Variants in ATP6V1B2 observed in about 807,000 individuals in gnomAD.
ATP6V1B2 encodes ATPase H+ transporting V1 subunit B2.
A neutral mutation model predicts 66.7 loss-of-function variants in ATP6V1B2; 23 were observed. That is an observed-to-expected ratio of 0.34 (90% confidence interval 0.25 to 0.49). The LOEUF is 0.49. Among genes scored for constraint, ATP6V1B2 ranks in the 20% least tolerant of loss-of-function variants. ATP6V1B2 has a pLI of 0.99. For synonymous variants in ATP6V1B2, 278 were observed against 236.7 expected (o/e 1.17, Z -1.60); for missense variants, 478 against 650.8 (o/e 0.73, Z 2.89).
intron 2 of ATP6V1B2, among the ~76,000 whole-genome samples, chr8:20,209,054 A>G (rs1324984651): frequency 6.6e-6 from 1 of 152,076 alleles, no homozygotes; most frequent in Admixed American, 6.6e-5. Context: ...CATCTGGAGC[A>G]CACAGTTGAT....
At chr8:20,214,757 T>C (rs1313005637) in intron 9 of ATP6V1B2, 61 bp from the exon 10 acceptor site, 61 of 1,484,112 alleles carry the variant, frequency 4.1e-5, no homozygotes, top group Non-Finnish European at 5.2e-5. Context: ...GAAACAAACA[T>C]GTTGTAAGCA....
chr8:20,207,720 A>AT (rs2072753058), intron 2 of ATP6V1B2, among the ~76,000 whole-genome samples: 1 of 151,870 alleles, frequency 6.6e-6, no homozygotes, highest in African/African-American at 2.4e-5. Flanking sequence ...AACTTAAAGT[A>AT]TAAAAAAAAA....
At chr8:20,213,864 C>A (rs1295752587) in intron 9 of ATP6V1B2, 1 of 152,130 alleles carries the variant, frequency 6.6e-6, no homozygotes, top group Non-Finnish European at 1.5e-5. Flanking sequence ...TTTTCTCCCC[C>A]ATCCATCACA....
chr8:20,198,973 G>A (rs79169475), intron 1 of ATP6V1B2, among the ~76,000 whole-genome samples: 1 of 152,152 alleles, frequency 6.6e-6, no homozygotes, highest in Non-Finnish European at 1.5e-5. Context: ...AATTGCGTTT[G>A]TATGCATTGC....
At chr8:20,211,522 G>C in intron 6 of ATP6V1B2, 130 bp from the exon 7 acceptor site, 8 of 1,268,790 alleles carry the variant, frequency 6.3e-6, no homozygotes, top group Non-Finnish European at 8.6e-6. Flanking sequence ...AAATAGTTTT[G>C]TTGAATGAAT....
intron 10 of ATP6V1B2, chr8:20,215,898 G>A (rs1206044883): frequency 9.2e-5 from 14 of 152,352 alleles, no homozygotes; most frequent in Non-Finnish European, 1.5e-5. Flanking sequence ...GTATCCATCC[G>A]ACATAGCTTA....
chr8:20,211,045 T>C lies in ATP6V1B2; in HGVS notation c.464-132T>C. 17 of 1,178,000 alleles carry C rather than the reference T, an allele frequency of 1.4e-5. No homozygotes were observed. The South Asian group carries it at 2.8e-4, about 19-fold the overall frequency. 73.0% of individuals were successfully genotyped at this position (1,178,000 alleles called of 1,614,324 possible). ...TTTGAAAAATAACTGATTTTTTTTG[T>C]AGTAAAGAGATGCTTTATGTAGTTC... On this transcript the variant is annotated intron_variant, in intron 5 of 13. Coordinates refer to ENST00000276390, the MANE Select transcript of ATP6V1B2 (RefSeq NM_001693.4).
chr8:20,200,727 C>T (rs138257229), intron 1 of ATP6V1B2, among the ~76,000 whole-genome samples: 2,029 of 152,272 alleles, frequency 0.013, 59 homozygotes, highest in African/African-American at 0.047. Flanking sequence ...CCTAGATCAA[C>T]TGGCCTTAAG....
At chr8:20,219,811 T>G (rs1373725156) in intron 13 of ATP6V1B2, among the ~76,000 whole-genome samples, 3 of 152,200 alleles carry the variant, frequency 2.0e-5, no homozygotes, top group Admixed American at 1.3e-4. Flanking sequence ...AGTGATACTC[T>G]GGAGAGGGTT....
intron 8 of ATP6V1B2, among the ~76,000 whole-genome samples, 187 bp downstream of exon 8, chr8:20,212,386 C>T (rs896315428): frequency 6.6e-6 from 1 of 152,178 alleles, no homozygotes; most frequent in African/African-American, 2.4e-5. Flanking sequence ...TTCTGAAGCT[C>T]ATAAGATGTG....
At chr8:20,215,044 G>A (rs903899903) in intron 10 of ATP6V1B2, 76 bp downstream of exon 10, 1 of 1,442,200 alleles carries the variant, frequency 6.9e-7, no homozygotes, top group African/African-American at 1.4e-5. Context: ...TTTTCGAGTT[G>A]AAGTTATTTT....
In ATP6V1B2 at chr8:20,220,939, A is replaced by G. The variant is rs923742210; in HGVS notation, c.*537A>G. On this transcript the variant is annotated 3_prime_UTR_variant, in exon 14 of 14. Transcript: ENST00000276390. ...TTTGACTGTCTTTTTGCTCTTTCCT[A>G]TATAATGAATAGATGAGTGAAAGGA... 3 of 152,200 alleles carry G rather than the reference A, an allele frequency of 2.0e-5. No homozygotes were observed. The highest frequency in any genetic ancestry group is 4.8e-5 in the African/African-American group (2 of 41,416). 9.4% of individuals were successfully genotyped at this position (152,200 alleles called of 1,614,324 possible). A position where few individuals can be genotyped will look rare whatever the true frequency, so the allele number is the denominator to read the frequency against.
intron 10 of ATP6V1B2, 167 bp downstream of exon 10, chr8:20,215,135 A>T (rs1026827978): frequency 2.5e-6 from 2 of 811,608 alleles, no homozygotes; most frequent in African/African-American, 1.8e-5. Flanking sequence ...CACAGTTATT[A>T]TCCTATTGTG....
At chr8:20,215,105 T>G in intron 10 of ATP6V1B2, 137 bp downstream of exon 10, 1 of 992,808 alleles carries the variant, frequency 1.0e-6, no homozygotes, top group South Asian at 2.2e-5. Context: ...AAATAAAACA[T>G]TTTTCATTTG....
At chr8:20,206,935 C>G (rs181935235) in intron 2 of ATP6V1B2, among the ~76,000 whole-genome samples, 2 of 152,152 alleles carry the variant, frequency 1.3e-5, no homozygotes, top group African/African-American at 4.8e-5. Flanking sequence ...GAAAAGGAAC[C>G]GCCATCATCA....
At chr8:20,212,994 GT>G in intron 9 of ATP6V1B2, 89 bp downstream of exon 9, 1 of 1,530,922 alleles carries the variant, frequency 6.5e-7, no homozygotes. Context: ...ATTCTTTATG[GT>G]TTTTTAATTC....
At chr8:20,219,393 C>T (rs1281792328) in intron 13 of ATP6V1B2, among the ~76,000 whole-genome samples, 1 of 152,090 alleles carries the variant, frequency 6.6e-6, no homozygotes, top group Non-Finnish European at 1.5e-5. Context: ...TGTCCCTCTA[C>T]TAAAAAAACC....
At chr8:20,207,827 G>T (rs1369586938) in intron 2 of ATP6V1B2, among the ~76,000 whole-genome samples, 1 of 151,920 alleles carries the variant, frequency 6.6e-6, no homozygotes, top group Non-Finnish European at 1.5e-5. Flanking sequence ...TTAATATAGA[G>T]AATCTATAAA....
In ATP6V1B2 at chr8:20,217,340, T is replaced by A. The variant is rs1194029613; in HGVS notation, c.1266+16T>A. 1 of 1,576,440 alleles carries A rather than the reference T, an allele frequency of 6.3e-7. No individual in the cohort carries two copies. The highest frequency in any genetic ancestry group is 2.2e-5 in the East Asian group (1 of 44,676). The stretch of plus-strand genomic sequence containing the variant: ...TAACCAGCTAGTATGTACATTCTTC[T>A]AAGAATGGTGTTTGAAAATATGGAT... On this transcript the variant is annotated intron_variant, in intron 12 of 13. Transcript: ENST00000276390.
Sources: allele counts gnomAD v4.1 joint callset (sites outside exome capture counted in the v4.1 genomes callset), GRCh38; gene constraint gnomAD v4.1.1; transcripts MANE v1.5; gene names NCBI Gene and HGNC (gene_info 2026-07-23, HGNC 2026-07-21).